The following GRIK2 variants were observed in gnomAD, a reference collection of about 807,000 sequenced individuals.
The protein encoded by GRIK2 is glutamate receptor ionotropic, kainate 2.
A neutral mutation model predicts 100.3 loss-of-function variants in GRIK2; 32 were observed. The ratio of observed to expected loss-of-function variants is 0.32; its 90% confidence interval spans 0.24 to 0.43. The LOEUF (loss-of-function observed/expected upper bound fraction) is 0.43, where lower values mean the gene tolerates loss of function less well. Among genes scored for constraint, GRIK2 ranks in the 20% least tolerant of loss-of-function variants. The probability of loss-of-function intolerance (pLI) is 1.00; values close to 1 mark genes in which losing one functional copy is unlikely to be tolerated. For synonymous variants in GRIK2, 417 were observed against 389.4 expected (o/e 1.07, Z -0.83); for missense variants, 843 against 1,114.9 (o/e 0.76, Z 3.47).
chr6:101,721,947 T>C (rs1774515303), intron 7 of GRIK2, among the ~76,000 whole-genome samples: 1 of 152,022 alleles, frequency 6.6e-6, no homozygotes, highest in African/African-American at 2.4e-5. Flanking sequence ...GGCCTTTTTT[T>C]CCGATTTATT....
intron 4 of GRIK2, among the ~76,000 whole-genome samples, chr6:101,643,374 T>G (rs1266393831): frequency 6.6e-6 from 1 of 151,694 alleles, no homozygotes; most frequent in Non-Finnish European, 1.5e-5. Context: ...GTTTTTTATG[T>G]TTTTTGAATT....
intron 4 of GRIK2, among the ~76,000 whole-genome samples, chr6:101,633,984 G>A (rs1412826064): frequency 6.6e-6 from 1 of 152,066 alleles, no homozygotes; most frequent in Non-Finnish European, 1.5e-5. Context: ...GTTTTATTTT[G>A]TGGGGGTTTT....
At chr6:101,705,648 C>T (rs1033198248) in intron 7 of GRIK2, among the ~76,000 whole-genome samples, 3 of 151,774 alleles carry the variant, frequency 2.0e-5, no homozygotes, top group African/African-American at 7.2e-5. Context: ...TCAAATGCAT[C>T]AAATAAATTA....
chr6:101,966,667 G>A (rs1470123369), intron 14 of GRIK2, among the ~76,000 whole-genome samples: 1 of 152,060 alleles, frequency 6.6e-6, no homozygotes, highest in Non-Finnish European at 1.5e-5. Flanking sequence ...GAAGAGGGAC[G>A]AATATTTGAC....
At position 101,829,568 on chromosome 6, in the gene GRIK2, A is replaced by G. The variant is rs542676259; in HGVS notation, c.1317+11085A>G. Among the ~76,000 whole-genome samples, 102 of 148,236 alleles carry G rather than the reference A, an allele frequency of 6.9e-4. 1 individual carries two copies. Among genetic ancestry groups the G allele is most frequent in the Admixed American group, 2.8e-3 (42 of 14,752 alleles). Reference sequence around the variant, plus strand: ...AAGTCTCAGAATACAAAATTAACATACACAAATCAGTTGCATTTTTATACA... The same window carrying G: ...AAGTCTCAGAATACAAAATTAACATGCACAAATCAGTTGCATTTTTATACA... On this transcript the variant is annotated intron_variant, in intron 10 of 16. Coordinates refer to ENST00000369134, the MANE Select transcript of GRIK2 (RefSeq NM_021956.5).
intron 15 of GRIK2, among the ~76,000 whole-genome samples, chr6:102,037,214 A>T (rs1000357931): frequency 6.6e-6 from 1 of 151,356 alleles, no homozygotes; most frequent in Admixed American, 6.6e-5. Context: ...GAAATGAAAA[A>T]AAACAAACGA....
intron 2 of GRIK2, among the ~76,000 whole-genome samples, chr6:101,597,940 C>T (rs1562251477): frequency 6.6e-6 from 1 of 151,656 alleles, no homozygotes; most frequent in Non-Finnish European, 1.5e-5. Context: ...TCTCTCATCT[C>T]AATCTGGTCG....
rs182701008 is a variant in GRIK2, at chr6:101,627,012, A to G, written c.541+375A>G. On this transcript the variant is annotated intron_variant, in intron 4 of 16. Coordinates refer to ENST00000369134, the MANE Select transcript of GRIK2 (RefSeq NM_021956.5). ...TATATATTTAGAATTCCAGTCATTT[A>G]AAAAGTAAGAATCCATGTATTCAAA... Among the ~76,000 whole-genome samples the G allele has an allele frequency of 8.4e-4, 128 of 152,150 alleles. 2 individuals carry two copies. The highest frequency in any genetic ancestry group is 2.9e-3 in the South Asian group (14 of 4,814).
At chr6:101,907,478 A>T (rs969530128) in intron 12 of GRIK2, among the ~76,000 whole-genome samples, 1 of 151,728 alleles carries the variant, frequency 6.6e-6, no homozygotes, top group African/African-American at 2.4e-5. Flanking sequence ...ACCTAACAAG[A>T]ATCCATATTT....
chr6:101,814,636 A>G (rs1010413046), intron 9 of GRIK2, among the ~76,000 whole-genome samples: 5 of 152,172 alleles, frequency 3.3e-5, no homozygotes, highest in African/African-American at 1.2e-4. Context: ...TTATTTGGCA[A>G]CATATAGTAA....
At position 101,885,052 on chromosome 6, in the gene GRIK2, C is replaced by T. The variant is rs115600266; in HGVS notation, c.1525-4588C>T. Among the ~76,000 whole-genome samples the T allele has an allele frequency of 9.0e-3, 1,375 of 152,150 alleles. 17 individuals are homozygous for T. The highest frequency in any genetic ancestry group is 0.032 in the African/African-American group (1,317 of 41,526). On this transcript the variant is annotated intron_variant, in intron 11 of 16. Transcript: ENST00000369134. ...TGCTTTGATCGAAGGGTATGCCTGC[C>T]GGCTTTCAAGTGTTTTTACTCTCAC...
chr6:101,531,563 A>T (rs1198349310), intron 2 of GRIK2, among the ~76,000 whole-genome samples: 1 of 151,870 alleles, frequency 6.6e-6, no homozygotes, highest in Admixed American at 6.6e-5. Flanking sequence ...ACCTATGTGG[A>T]TATAGGTATA....
intron 7 of GRIK2, among the ~76,000 whole-genome samples, chr6:101,716,072 T>C (rs1345387085): frequency 6.6e-6 from 1 of 151,774 alleles, no homozygotes; most frequent in Non-Finnish European, 1.5e-5. Context: ...GTTTCTACAT[T>C]TTCTACCTTC....
chr6:101,437,832 C>G (rs1240122551), intron 2 of GRIK2, among the ~76,000 whole-genome samples: 1 of 152,004 alleles, frequency 6.6e-6, no homozygotes, highest in Non-Finnish European at 1.5e-5. Context: ...AATAGAGTGC[C>G]TGGTACTTCC....
At chr6:101,452,186 T>G (rs1368604947) in intron 2 of GRIK2, among the ~76,000 whole-genome samples, 1 of 151,812 alleles carries the variant, frequency 6.6e-6, no homozygotes, top group Non-Finnish European at 1.5e-5. Flanking sequence ...GATCTCCATA[T>G]GTTAAACACT....
intron 5 of GRIK2, among the ~76,000 whole-genome samples, chr6:101,678,951 G>C (rs936386534): frequency 3.3e-5 from 5 of 152,182 alleles, no homozygotes; most frequent in Admixed American, 2.0e-4. Context: ...GCTTGCGGTT[G>C]AGTAGATTTC....
intron 2 of GRIK2, among the ~76,000 whole-genome samples, chr6:101,521,313 G>T (rs1272534784): frequency 1.3e-5 from 2 of 151,822 alleles, no homozygotes; most frequent in Non-Finnish European, 2.9e-5. Context: ...TCTATTTATT[G>T]AGATTTATTG....
intron 4 of GRIK2, among the ~76,000 whole-genome samples, chr6:101,672,350 A>G (rs1770503423): frequency 6.6e-6 from 1 of 152,112 alleles, no homozygotes; most frequent in South Asian, 2.1e-4. Flanking sequence ...TCTCACACTC[A>G]GTGAAAGCAC....
intron 14 of GRIK2, 105 bp from the exon 15 acceptor site, chr6:102,035,236 T>C: frequency 2.2e-6 from 1 of 461,216 alleles, no homozygotes; most frequent in East Asian, 3.2e-5. Context: ...TATATTAAGA[T>C]GGTACAAGTA....
Sources: gnomAD v4.1 joint callset for allele counts (sites outside exome capture counted in the v4.1 genomes callset) on GRCh38, gnomAD v4.1.1 for gene constraint, MANE v1.5 for transcripts, NCBI Gene and HGNC (gene_info 2026-07-23, HGNC 2026-07-21) for gene names.